GFRA2: variants seen among roughly 807,000 people sequenced by gnomAD.
The protein encoded by GFRA2 is GDNF family receptor alpha-2.
In GFRA2, 17 loss-of-function variants were observed where a neutral mutation model predicts 48.3. The ratio of observed to expected loss-of-function variants is 0.35; its 90% confidence interval spans 0.24 to 0.53. The LOEUF (loss-of-function observed/expected upper bound fraction) is 0.53, where lower values mean the gene tolerates loss of function less well. Among genes scored for constraint, GFRA2 ranks in the 20% least tolerant of loss-of-function variants. The pLI, the probability that GFRA2 is intolerant of heterozygous loss-of-function variation, is 0.93. For missense variants in GFRA2, 660 were observed against 637.3 expected, an observed-to-expected ratio of 1.04 and a Z score of -0.38; for synonymous variants, 305 against 257.2, an observed-to-expected ratio of 1.19 and a Z score of -1.78.
intron 3 of GFRA2, among the ~76,000 whole-genome samples, chr8:21,753,526 C>T (rs1283495823): frequency 6.6e-6 from 1 of 151,950 alleles, no homozygotes; most frequent in East Asian, 1.9e-4. Flanking sequence ...AGTAGAATCA[C>T]TTGAATCACT....
chr8:21,783,213 G>T, intron 1 of GFRA2: 3 of 518,176 alleles, frequency 5.8e-6, no homozygotes, highest in South Asian at 5.0e-5. Flanking sequence ...CAGGAGCCCA[G>T]AGGAGAATGT....
At chr8:21,731,633 C>A (rs980030550) in intron 4 of GFRA2, among the ~76,000 whole-genome samples, 3 of 152,086 alleles carry the variant, frequency 2.0e-5, no homozygotes, top group Admixed American at 6.5e-5. Flanking sequence ...CCTTTGTGCG[C>A]CCCCATTAAA....
chr8:21,729,634 C>T (rs1804081050), intron 4 of GFRA2, among the ~76,000 whole-genome samples: 1 of 152,208 alleles, frequency 6.6e-6, no homozygotes, highest in African/African-American at 2.4e-5. Flanking sequence ...TCCACAGACA[C>T]ACACAGACAA....
rs148112002 is a variant in GFRA2 at position 21,735,858 on chromosome 8, G to A, written c.794+14730C>T. Reference sequence around the variant, plus strand: ...ATTAAAAAAAAAAAAAAATTGTAGAGATGGGCTCTCACTATGTTACCCAGG... The same window carrying A: ...ATTAAAAAAAAAAAAAAATTGTAGAAATGGGCTCTCACTATGTTACCCAGG... On this transcript the variant is annotated intron_variant, in intron 4 of 8. Transcript: ENST00000524240. Among the ~76,000 whole-genome samples the A allele has an allele frequency of 9.0e-3, 1,372 of 152,048 alleles. 13 individuals carry two copies. Among genetic ancestry groups the A allele is most frequent in the African/African-American group, 0.032 (1,326 of 41,450 alleles).
chr8:21,775,157 C>T (rs1401967972), intron 2 of GFRA2, 102 bp from the exon 3 acceptor site: 23 of 694,512 alleles, frequency 3.3e-5, no homozygotes, highest in Non-Finnish European at 5.6e-5. Flanking sequence ...GGGGAAAGCT[C>T]GTGCCACCCA....
upstream of GFRA2, chr8:21,788,895 T>A: frequency 1.6e-6 from 1 of 628,848 alleles, no homozygotes; most frequent in South Asian, 7.0e-5. Flanking sequence ...CCTCTCTCCC[T>A]CCCCCTTCTC....
At chr8:21,775,118 C>T in intron 2 of GFRA2, 63 bp from the exon 3 acceptor site, 1 of 822,612 alleles carries the variant, frequency 1.2e-6, no homozygotes, top group Middle Eastern at 2.4e-4. Flanking sequence ...CGGCACTTAG[C>T]AAATCTGCCG....
chr8:21,716,877 C>T (rs998929675), intron 4 of GFRA2, among the ~76,000 whole-genome samples: 4 of 152,216 alleles, frequency 2.6e-5, no homozygotes, highest in Admixed American at 6.5e-5. Context: ...CAACACCTCA[C>T]GCCCCTTCAG....
chr8:21,763,515 T>G (rs533181560), intron 3 of GFRA2, among the ~76,000 whole-genome samples: 51 of 152,142 alleles, frequency 3.4e-4, no homozygotes, highest in African/African-American at 1.2e-3. Context: ...ACAGGGGCGG[T>G]CTGTCTGCAC....
intron 2 of GFRA2, among the ~76,000 whole-genome samples, chr8:21,775,924 G>A (rs951466655): frequency 2.6e-5 from 4 of 152,094 alleles, no homozygotes; most frequent in Admixed American, 6.5e-5. Flanking sequence ...AGGCCTCAGC[G>A]GGAAAGGAAA....
At chr8:21,699,735 G>A (rs1005112406) in intron 7 of GFRA2, among the ~76,000 whole-genome samples, 9 of 152,350 alleles carry the variant, frequency 5.9e-5, no homozygotes, top group African/African-American at 2.2e-4. Context: ...CCTAGGAGAA[G>A]GAAGAGAGCT....
At chr8:21,699,643 G>C (rs1470347394) in intron 7 of GFRA2, among the ~76,000 whole-genome samples, 1 of 152,268 alleles carries the variant, frequency 6.6e-6, no homozygotes, top group East Asian at 1.9e-4. Flanking sequence ...ATAAGACCAC[G>C]AGTCTCTAAC....
intron 4 of GFRA2, among the ~76,000 whole-genome samples, chr8:21,713,294 T>C (rs1227819280): frequency 2.0e-5 from 3 of 151,840 alleles, no homozygotes; most frequent in African/African-American, 4.8e-5. Context: ...CCATTTCAAG[T>C]GATTCTCAGC....
chr8:21,797,052 G>T (rs1807689633), intron 2 of GFRA2, among the ~76,000 whole-genome samples: 1 of 152,216 alleles, frequency 6.6e-6, no homozygotes, highest in Non-Finnish European at 1.5e-5. Context: ...GGAAGCTGCT[G>T]ATCTAGGACT....
chr8:21,807,452 T>C (rs1235995440), intron 1 of GFRA2, among the ~76,000 whole-genome samples: 1 of 152,206 alleles, frequency 6.6e-6, no homozygotes, highest in East Asian at 1.9e-4. Context: ...CGGTCTGCGG[T>C]ATTCTGTTAT....
At chr8:21,727,502 C>T (rs1803930889) in intron 4 of GFRA2, among the ~76,000 whole-genome samples, 1 of 152,220 alleles carries the variant, frequency 6.6e-6, no homozygotes. Context: ...GCTTGAGCCT[C>T]AGCGCTCCAC....
chr8:21,723,079 G>A (rs1006423538), intron 4 of GFRA2, among the ~76,000 whole-genome samples: 3 of 152,184 alleles, frequency 2.0e-5, no homozygotes, highest in African/African-American at 4.8e-5. Flanking sequence ...CAGGACCCGG[G>A]TGCTTCTGAG....
At chr8:21,712,458 G>T (rs988354354) in intron 4 of GFRA2, among the ~76,000 whole-genome samples, 72 of 151,978 alleles carry the variant, frequency 4.7e-4, no homozygotes, top group Non-Finnish European at 8.7e-4. Context: ...TGGTGGCCGG[G>T]AAGAGGCGCT....
At chr8:21,718,698 G>A (rs925029152) in intron 4 of GFRA2, among the ~76,000 whole-genome samples, 4 of 152,102 alleles carry the variant, frequency 2.6e-5, no homozygotes, top group African/African-American at 9.7e-5. Flanking sequence ...CGCAACAAGG[G>A]TTCGTTACCA....
Sources: allele counts gnomAD v4.1 joint callset (sites outside exome capture counted in the v4.1 genomes callset), GRCh38; gene constraint gnomAD v4.1.1; transcripts MANE v1.5; gene names NCBI Gene and HGNC (gene_info 2026-07-23, HGNC 2026-07-21).